The following OR2A14 variants were observed in gnomAD, a reference collection of about 807,000 sequenced individuals.
OR2A14 encodes the protein olfactory receptor family 2 subfamily A member 14.
Under a neutral mutation model 2.4 loss-of-function variants are expected in OR2A14, and 2 were observed. That is an observed-to-expected ratio of 0.85 (90% CI 0.35 to 2.67). OR2A14 has a LOEUF of 2.67. OR2A14 is among the 30% of genes most tolerant of loss of function. The probability of loss-of-function intolerance (pLI) is 0.10; values close to 1 mark genes in which losing one functional copy is unlikely to be tolerated. For missense variants in OR2A14, 390 were observed against 379.4 expected, an observed-to-expected ratio of 1.03 and a Z score of -0.23; for synonymous variants, 160 against 156.3, an observed-to-expected ratio of 1.02 and a Z score of -0.18.
chr7:144,130,010 C>T lies in OR2A14; in HGVS notation c.898C>T (p.Leu300=), dbSNP rs953814616. The part of the protein sequence containing the change: ...SLRNAEVKGA[L]RRALRKERLT ...AAGGAATGCAGAGGTCAAGGGCGCCCTGAGGAGGGCACTGAGGAAGGAGAG... is the reference window on the plus strand; with the variant it reads ...AAGGAATGCAGAGGTCAAGGGCGCCTTGAGGAGGGCACTGAGGAAGGAGAG... The change falls in exon 2 of 2, where the codon CTG becomes TTG. Residue 300 remains leucine (L), a synonymous_variant. Coordinates refer to ENST00000641068, the MANE Select transcript of OR2A14 (RefSeq NM_001001659.3). 1.9e-5 allele frequency: 31 copies of T among 1,613,664 alleles called. No individual in the cohort carries two copies. The highest frequency in any genetic ancestry group is 2.6e-5 in the Non-Finnish European group (31 of 1,179,752).
chr7:144,129,977 T>C lies in OR2A14; in HGVS notation c.865T>C (p.Tyr289His), dbSNP rs1446454648. The C allele has an allele frequency of 4.3e-6, 7 of 1,614,156 alleles. No individual in the cohort carries two copies. Among genetic ancestry groups the C allele is most frequent in the African/African-American group, 4.0e-5 (3 of 75,032 alleles). ...CAATCCAATGCTGAACCCCCTGATA[T>C]ATAGCCTAAGGAATGCAGAGGTCAA... ...LFNPMLNPLI[Y>H]SLRNAEVKGA... Residue 289 changes from tyrosine (Y) to histidine (H), a missense_variant, in exon 2 of 2, where the codon TAT (tyrosine) becomes CAT (histidine). By Grantham distance (83) the Tyr-to-His change is moderately conservative. Coordinates refer to ENST00000641068, the MANE Select transcript of OR2A14 (RefSeq NM_001001659.3).
intron 1 of OR2A14, among the ~76,000 whole-genome samples, chr7:144,127,711 C>T (rs1009856414): frequency 6.6e-6 from 1 of 152,148 alleles, no homozygotes; most frequent in South Asian, 2.1e-4. Context: ...TGAGGATCTA[C>T]GTATTTACTA....
At chr7:144,128,958 T>TC (rs2051504739) in intron 1 of OR2A14, 121 bp from the exon 2 acceptor site, 1 of 619,346 alleles carries the variant, frequency 1.6e-6, no homozygotes. Flanking sequence ...TGCGATTTTT[T>TC]CTCATTTTTA....
intron 1 of OR2A14, among the ~76,000 whole-genome samples, chr7:144,124,457 C>T (rs1472992303): frequency 9.4e-5 from 11 of 116,448 alleles, no homozygotes; most frequent in African/African-American, 3.7e-4. Context: ...AGCGAAACTC[C>T]GTCTCAAAAA....
In OR2A14 at chr7:144,130,539, C is replaced by T. The variant is rs182063710; in HGVS notation, c.*494C>T. The T allele has an allele frequency of 6.5e-6, 1 of 153,320 alleles. No homozygotes were observed. Among genetic ancestry groups the T allele is most frequent in the East Asian group, 1.9e-4 (1 of 5,188 alleles). The allele number at this position is 153,320 out of a possible 1,614,324, so 9.5% of individuals were successfully genotyped here. A position where few individuals can be genotyped will look rare whatever the true frequency, so the allele number is the denominator to read the frequency against. On this transcript the variant is annotated 3_prime_UTR_variant, in exon 2 of 2. Coordinates refer to ENST00000641068, the MANE Select transcript of OR2A14 (RefSeq NM_001001659.3). ...AAAATACAAGGGGCTGATAAACATA[C>T]AAATGCTGCTTTCCACCATTAGTAA...
chr7:144,123,862 T>TC (rs1220070079), intron 1 of OR2A14, among the ~76,000 whole-genome samples: 1 of 151,872 alleles, frequency 6.6e-6, no homozygotes, highest in Non-Finnish European at 1.5e-5. Flanking sequence ...CTTTTTTTTT[T>TC]CTGATTTTAG....
chr7:144,130,283 T>A lies in OR2A14; in HGVS notation c.*238T>A, dbSNP rs546173469. 4.1e-5 allele frequency: 15 copies of A among 364,216 alleles called. No homozygotes were observed. Among genetic ancestry groups the A allele is most frequent in the African/African-American group, 2.9e-4 (14 of 48,692 alleles). 22.6% of individuals were successfully genotyped at this position (364,216 alleles called of 1,614,324 possible). A position where few individuals can be genotyped will look rare whatever the true frequency, so the allele number is the denominator to read the frequency against. ...AGTCCCTAGATATAAAATTTTTAAG[T>A]TCGATAAATATAGGACCTCTTCACA... On this transcript the variant is annotated 3_prime_UTR_variant, in exon 2 of 2. Transcript: ENST00000641068.
At chr7:144,125,838 C>G (rs2051478841) in intron 1 of OR2A14, among the ~76,000 whole-genome samples, 2 of 152,110 alleles carry the variant, frequency 1.3e-5, no homozygotes, top group Non-Finnish European at 2.9e-5. Flanking sequence ...CCCAGATTTG[C>G]TTAATTATGA....
chr7:144,125,892 A>G lies in OR2A14; in HGVS notation c.-35+2628A>G, dbSNP rs372069385. Among the ~76,000 whole-genome samples the G allele has an allele frequency of 1.3e-4, 19 of 150,580 alleles. No homozygotes were observed. In the East Asian group the frequency reaches 2.9e-3, roughly 23 times the overall value. Reference sequence around the variant, plus strand: ...ATTGTATTTATTTGGTAATGACTGGATTTTTTTTTTACTCCTAAAGCATCC... The same window carrying G: ...ATTGTATTTATTTGGTAATGACTGGGTTTTTTTTTTACTCCTAAAGCATCC... On this transcript the variant is annotated intron_variant, in intron 1 of 1. Coordinates refer to ENST00000641068, the MANE Select transcript of OR2A14 (RefSeq NM_001001659.3).
Position 144,129,871 on chromosome 7 carries a change from C to T in OR2A14, c.759C>T (p.Ser253=), listed in dbSNP as rs917156948. 1.9e-6 allele frequency: 3 copies of T among 1,614,086 alleles called. No homozygotes were observed. Among genetic ancestry groups the T allele is most frequent in the African/African-American group, 1.3e-5 (1 of 74,930 alleles). The change falls in exon 2 of 2, where the codon AGC becomes AGT. Residue 253 remains serine (S), a synonymous_variant. Coordinates refer to ENST00000641068, the MANE Select transcript of OR2A14 (RefSeq NM_001001659.3). The part of the protein sequence containing the change: ...HLCVVGLFFG[S]AIVTYMAPKS... ...GCGTGGTGGGACTCTTCTTTGGCAG[C>T]GCCATTGTCACGTACATGGCCCCCA...
At position 144,129,240 on chromosome 7, in the gene OR2A14, T is replaced by C. The variant is rs1215557879; in HGVS notation, c.128T>C (p.Val43Ala). The C allele has an allele frequency of 1.1e-5, 17 of 1,613,886 alleles. No individual in the cohort carries two copies. The highest frequency in any genetic ancestry group is 1.4e-5 in the Non-Finnish European group (17 of 1,180,004). Reference sequence around the variant, plus strand: ...ACACTCACCCTGCTGGGGAATGGGGTCATCTTTGGGATTATCTGCCTGGAC... The same window carrying C: ...ACACTCACCCTGCTGGGGAATGGGGCCATCTTTGGGATTATCTGCCTGGAC... Reference protein sequence around the residue: ...FYTLTLLGNGVIFGIICLDCK... With the variant: ...FYTLTLLGNGAIFGIICLDCK... The change falls in exon 2 of 2, where the codon GTC becomes GCC. Residue 43 changes from valine (V) to alanine (A), a missense_variant. Physicochemically the swap from Val to Ala is moderately conservative, Grantham distance 64 (BLOSUM62 0). Coordinates refer to ENST00000641068, the MANE Select transcript of OR2A14 (RefSeq NM_001001659.3).
intron 1 of OR2A14, among the ~76,000 whole-genome samples, chr7:144,125,381 C>T (rs1428041189): frequency 6.6e-6 from 1 of 152,176 alleles, no homozygotes; most frequent in Non-Finnish European, 1.5e-5. Context: ...GGAGTGGATG[C>T]CTAAATAAAT....
Position 144,129,994 on chromosome 7 carries a change from A to T in OR2A14, c.882A>T (p.Ala294=), listed in dbSNP as rs2051519449. The change falls in exon 2 of 2, where the codon GCA becomes GCT. Residue 294 remains alanine, a synonymous_variant. Transcript: ENST00000641068. ...LNPLIYSLRN[A]EVKGALRRAL... ...CCCTGATATATAGCCTAAGGAATGC[A>T]GAGGTCAAGGGCGCCCTGAGGAGGG... 1 of 1,614,092 alleles carries T rather than the reference A, an allele frequency of 6.2e-7. No individual in the cohort carries two copies.
intron 1 of OR2A14, among the ~76,000 whole-genome samples, chr7:144,126,006 A>G (rs943082294): frequency 2.0e-5 from 3 of 152,210 alleles, no homozygotes; most frequent in Non-Finnish European, 4.4e-5. Context: ...GACTAAAAAT[A>G]TGCAAAATAT....
At chr7:144,128,128 ACT>A (rs1256834730) in intron 1 of OR2A14, among the ~76,000 whole-genome samples, 6 of 152,146 alleles carry the variant, frequency 3.9e-5, no homozygotes, top group African/African-American at 9.7e-5. Flanking sequence ...ATGACAAAAG[ACT>A]CTGTCACACT....
chr7:144,127,821 A>G (rs986796923), intron 1 of OR2A14, among the ~76,000 whole-genome samples: 1 of 152,212 alleles, frequency 6.6e-6, no homozygotes, highest in African/African-American at 2.4e-5. Context: ...TGTTTCTGGA[A>G]TAAATGTGAA....
At chr7:144,127,054 G>A (rs899167795) in intron 1 of OR2A14, among the ~76,000 whole-genome samples, 2 of 152,132 alleles carry the variant, frequency 1.3e-5, no homozygotes, top group African/African-American at 2.4e-5. Context: ...GGGGCATAGA[G>A]GTTTCCTTCC....
At position 144,130,649 on chromosome 7, in the gene OR2A14, T is replaced by C. The variant is rs2051524859; in HGVS notation, c.*604T>C. 6.6e-6 allele frequency: 1 copy of C among 152,250 alleles called. No homozygotes were observed. The highest frequency in any genetic ancestry group is 1.5e-5 in the Non-Finnish European group (1 of 68,092). The allele number at this position is 152,250 out of a possible 1,614,324, so 9.4% of individuals were successfully genotyped here. On this transcript the variant is annotated 3_prime_UTR_variant, in exon 2 of 2. Transcript: ENST00000641068. ...GAAATTTTTAATGGCTTATTTATCA[T>C]TGAGGTTATTGGAAATCTATTTCTA...
chr7:144,128,739 G>A (rs78644875), intron 1 of OR2A14, among the ~76,000 whole-genome samples: 2,905 of 152,116 alleles, frequency 0.019, 105 homozygotes, highest in African/African-American at 0.066. Context: ...CTCAAACTAC[G>A]TAAAAATCAA....
Sources: allele counts gnomAD v4.1 joint callset (sites outside exome capture counted in the v4.1 genomes callset), GRCh38; gene constraint gnomAD v4.1.1; transcripts MANE v1.5; gene names NCBI Gene and HGNC (gene_info 2026-07-23, HGNC 2026-07-21).